The following CCDC170 variants were observed in gnomAD, a reference collection of about 807,000 sequenced individuals.
The protein encoded by CCDC170 is coiled-coil domain-containing protein 170.
CCDC170 carries 69 observed loss-of-function variants against 72.6 expected under a neutral mutation model. The ratio of observed to expected loss-of-function variants is 0.95; its 90% confidence interval spans 0.78 to 1.16. The LOEUF (loss-of-function observed/expected upper bound fraction) is 1.16, where lower values mean the gene tolerates loss of function less well. Among genes scored for constraint, CCDC170 ranks in the 50% most tolerant of loss-of-function variants. CCDC170 has a pLI of 0.00. For synonymous variants in CCDC170, 300 were observed against 303.9 expected (o/e 0.99, Z 0.13); for missense variants, 852 against 832.5 (o/e 1.02, Z -0.29).
intron 6 of CCDC170, among the ~76,000 whole-genome samples, chr6:151,575,253 C>T (rs926521783): frequency 6.6e-6 from 1 of 151,632 alleles, no homozygotes; most frequent in South Asian, 2.1e-4. Context: ...CGCATTTTAC[C>T]ATCTTTTAAT....
chr6:151,516,736 G>A (rs1336175024), intron 1 of CCDC170, among the ~76,000 whole-genome samples: 1 of 152,198 alleles, frequency 6.6e-6, no homozygotes, highest in Non-Finnish European at 1.5e-5. Context: ...GGCTTGAGGA[G>A]ACAGTGTCTG....
chr6:151,499,482 GACTATTCTA>G (rs1562820172), intron 1 of CCDC170, among the ~76,000 whole-genome samples: 7 of 114,902 alleles, frequency 6.1e-5, no homozygotes, highest in African/African-American at 2.8e-4. Context: ...GACTGTATTT[GACTATTCTA>G]GGCACTCTGT....
At chr6:151,512,400 T>A (rs1441067207) in intron 1 of CCDC170, among the ~76,000 whole-genome samples, 1 of 152,132 alleles carries the variant, frequency 6.6e-6, no homozygotes, top group Non-Finnish European at 1.5e-5. Context: ...CCTCTAGTGA[T>A]CCACGGGCCT....
At position 151,617,089 on chromosome 6, in the gene CCDC170, A is replaced by G. The variant is rs200939814; in HGVS notation, c.1948-858A>G. Among the ~76,000 whole-genome samples the G allele has an allele frequency of 7.2e-5, 11 of 152,180 alleles. No individual in the cohort carries two copies. The East Asian group carries it at 2.1e-3, about 29-fold the overall frequency. On this transcript the variant is annotated intron_variant, in intron 10 of 10. Transcript: ENST00000239374. ...GACTGTTTGGGTGGCATTCTCTTGG[A>G]TGTAACTGTATTCAGTTTGGATCAT...
At chr6:151,563,281 C>T (rs1776075622) in intron 5 of CCDC170, among the ~76,000 whole-genome samples, 1 of 152,212 alleles carries the variant, frequency 6.6e-6, no homozygotes, top group African/African-American at 2.4e-5. Flanking sequence ...AAGAACCACT[C>T]TTGTGTCCAT....
chr6:151,557,358 G>C (rs1054921934), intron 5 of CCDC170, among the ~76,000 whole-genome samples: 1 of 150,976 alleles, frequency 6.6e-6, no homozygotes, highest in Non-Finnish European at 1.5e-5. Flanking sequence ...GCAGTGAGCC[G>C]AGATCACGCC....
At chr6:151,600,098 A>G (rs1357762216) in intron 9 of CCDC170, among the ~76,000 whole-genome samples, 1 of 152,188 alleles carries the variant, frequency 6.6e-6, no homozygotes, top group Admixed American at 6.5e-5. Context: ...GATCTCTCTA[A>G]CTTGTTAACA....
chr6:151,511,054 A>G (rs1416663725), intron 1 of CCDC170, among the ~76,000 whole-genome samples: 1 of 152,048 alleles, frequency 6.6e-6, no homozygotes, highest in Non-Finnish European at 1.5e-5. Context: ...AGTATTTTAT[A>G]GATGTTTTAT....
At chr6:151,572,898 C>T (rs1776244209) in intron 5 of CCDC170, among the ~76,000 whole-genome samples, 1 of 151,796 alleles carries the variant, frequency 6.6e-6, no homozygotes, top group African/African-American at 2.4e-5. Context: ...AGTGATCCAC[C>T]CACCTCAGCC....
chr6:151,512,707 AACCG>A (rs1782166828), intron 1 of CCDC170, among the ~76,000 whole-genome samples: 1 of 130,698 alleles, frequency 7.7e-6, no homozygotes, highest in African/African-American at 3.1e-5. Flanking sequence ...TAAAGTGTTT[AACCG>A]AGTTCCTCCT....
intron 9 of CCDC170, among the ~76,000 whole-genome samples, chr6:151,609,555 C>A (rs1046611394): frequency 1.3e-5 from 2 of 152,204 alleles, no homozygotes; most frequent in African/African-American, 4.8e-5. Context: ...GACAGCAAAG[C>A]ACACTTGGAA....
At position 151,618,048 on chromosome 6, in the gene CCDC170, C is replaced by CCAT. The variant is rs1776998081; in HGVS notation, c.2050_2052dup (p.His684dup). On this transcript the variant is annotated inframe_insertion, in exon 11 of 11. Coordinates refer to ENST00000239374, the MANE Select transcript of CCDC170 (RefSeq NM_025059.4). Reference sequence around the variant, plus strand: ...TCATCAAGTGTCTTGAAAGATTGGTCCATTCACATCAGCATCACTTTGTTA... The same window carrying CCAT: ...TCATCAAGTGTCTTGAAAGATTGGTCCATCATTCACATCAGCATCACTTTGTTA... The CCAT allele has an allele frequency of 1.2e-6, 2 of 1,614,110 alleles. No homozygotes were observed. Among genetic ancestry groups the CCAT allele is most frequent in the African/African-American group, 2.7e-5 (2 of 75,020 alleles).
At chr6:151,533,366 C>G (rs976776421) in intron 1 of CCDC170, among the ~76,000 whole-genome samples, 1 of 151,658 alleles carries the variant, frequency 6.6e-6, no homozygotes, top group African/African-American at 2.4e-5. Flanking sequence ...CTATTTCATT[C>G]TTATTTAATC....
chr6:151,602,017 A>G (rs1776717083), intron 9 of CCDC170, among the ~76,000 whole-genome samples: 1 of 152,210 alleles, frequency 6.6e-6, no homozygotes, highest in Non-Finnish European at 1.5e-5. Context: ...ACTTTTGGCT[A>G]TTCTGAACAA....
intron 6 of CCDC170, among the ~76,000 whole-genome samples, chr6:151,579,036 C>CA (rs1019069072): frequency 3.3e-5 from 5 of 151,362 alleles, no homozygotes; most frequent in Non-Finnish European, 7.4e-5. Context: ...CTTTTTGTTT[C>CA]AAAAAAAAAG....
intron 1 of CCDC170, among the ~76,000 whole-genome samples, chr6:151,530,359 A>G (rs1404804700): frequency 6.6e-6 from 1 of 151,370 alleles, no homozygotes; most frequent in African/African-American, 2.4e-5. Context: ...ATTTTGTACC[A>G]GTTTATCTTT....
intron 6 of CCDC170, among the ~76,000 whole-genome samples, chr6:151,573,969 C>T (rs1776266392): frequency 6.6e-6 from 1 of 152,206 alleles, no homozygotes; most frequent in Non-Finnish European, 1.5e-5. Flanking sequence ...TAAGGCCAGG[C>T]CTGGTGGCCT....
intron 5 of CCDC170, among the ~76,000 whole-genome samples, chr6:151,559,012 C>CTTTTTTTT (rs201171602): frequency 8.0e-6 from 1 of 125,704 alleles, no homozygotes; most frequent in Non-Finnish European, 1.6e-5. Context: ...ATTAATTTAT[C>CTTTTTTTT]TTTTTTTTTT....
chr6:151,554,838 T>C (rs1242305053), intron 5 of CCDC170, among the ~76,000 whole-genome samples: 5 of 151,476 alleles, frequency 3.3e-5, no homozygotes, highest in South Asian at 2.1e-4. Context: ...GGCTATGTGA[T>C]TGCAGGCACG....
Sources: gnomAD v4.1 joint callset for allele counts (sites outside exome capture counted in the v4.1 genomes callset) on GRCh38, gnomAD v4.1.1 for gene constraint, MANE v1.5 for transcripts, NCBI Gene and HGNC (gene_info 2026-07-23, HGNC 2026-07-21) for gene names.